Variants in CDH13 observed in about 807,000 individuals in gnomAD.
The protein encoded by CDH13 is cadherin 13.
A neutral mutation model predicts 63.8 loss-of-function variants in CDH13; 24 were observed. The observed-to-expected ratio is 0.38, with a 90% CI of 0.27 to 0.53. CDH13 has a LOEUF of 0.53. Among genes scored for constraint, CDH13 ranks in the 20% least tolerant of loss-of-function variants. The pLI is 0.85. For synonymous variants in CDH13, 503 were observed against 355.3 expected, an observed-to-expected ratio of 1.42 and a Z score of -4.67; for missense variants, 1,049 against 903.1, an observed-to-expected ratio of 1.16 and a Z score of -2.07.
chr16:82,695,848 G>T (rs1165547155), intron 1 of CDH13, among the ~76,000 whole-genome samples: 1 of 152,170 alleles, frequency 6.6e-6, no homozygotes, highest in Non-Finnish European at 1.5e-5. Context: ...AACAGATTAT[G>T]TACAAGATAT....
At chr16:82,923,729 C>CT (rs1318083742) in intron 2 of CDH13, among the ~76,000 whole-genome samples, 2 of 152,208 alleles carry the variant, frequency 1.3e-5, no homozygotes, top group Non-Finnish European at 2.9e-5. Flanking sequence ...TGAAGCGGCT[C>CT]TTAAATATGT....
intron 1 of CDH13, chr16:82,639,408 C>G: frequency 6.5e-7 from 1 of 1,535,608 alleles, no homozygotes; most frequent in South Asian, 1.2e-5. Context: ...AAGAACATCC[C>G]AGTGAGAATG....
chr16:83,159,218 G>A (rs549280754), intron 4 of CDH13, among the ~76,000 whole-genome samples: 1 of 152,186 alleles, frequency 6.6e-6, no homozygotes, highest in East Asian at 1.9e-4. Flanking sequence ...CCATTCATCA[G>A]TCTGCTGATT....
chr16:83,512,550 C>G (rs1297427239), intron 7 of CDH13, among the ~76,000 whole-genome samples: 2 of 150,738 alleles, frequency 1.3e-5, no homozygotes, highest in Admixed American at 1.3e-4. Flanking sequence ...CGCCTGTAGT[C>G]CCAGCTGCTC....
At chr16:83,497,503 G>C (rs1434550579) in intron 7 of CDH13, among the ~76,000 whole-genome samples, 5 of 116,692 alleles carry the variant, frequency 4.3e-5, no homozygotes, top group Non-Finnish European at 8.2e-5. Flanking sequence ...ACACTCTGGG[G>C]ACTGTTGTGG....
chr16:83,599,665 A>T (rs1907594677), intron 7 of CDH13, among the ~76,000 whole-genome samples: 1 of 152,360 alleles, frequency 6.6e-6, no homozygotes, highest in Non-Finnish European at 1.5e-5. Flanking sequence ...TATACATATG[A>T]TTATATTGTA....
chr16:83,512,003 G>A (rs1714120587), intron 7 of CDH13, among the ~76,000 whole-genome samples: 1 of 152,066 alleles, frequency 6.6e-6, no homozygotes, highest in Admixed American at 6.6e-5. Flanking sequence ...TTAGCTAATA[G>A]CATTAGAAAC....
At chr16:83,759,357 A>G (rs1036934067) in intron 11 of CDH13, among the ~76,000 whole-genome samples, 1 of 152,214 alleles carries the variant, frequency 6.6e-6, no homozygotes, top group East Asian at 1.9e-4. Context: ...TTTAAAATGC[A>G]TCCTGACCCC....
At chr16:82,667,518 G>A (rs1261119511) in intron 1 of CDH13, among the ~76,000 whole-genome samples, 1 of 152,168 alleles carries the variant, frequency 6.6e-6, no homozygotes, top group Non-Finnish European at 1.5e-5. Context: ...CCGTAGGATT[G>A]TGCATGTATG....
Position 82,671,846 on chromosome 16 carries a change from A to G in CDH13, c.45+44709A>G, listed in dbSNP as rs1380431774. ...AAAGAAGAGAAACACCATGGGGCAG[A>G]TATGTCCAAGAATAAAGAAAAGAGA... On this transcript the variant is annotated intron_variant, in intron 1 of 13. Coordinates refer to ENST00000567109, the MANE Select transcript of CDH13 (RefSeq NM_001257.5). Among the ~76,000 whole-genome samples, 4 of 152,196 alleles carry G rather than the reference A, an allele frequency of 2.6e-5. No homozygotes were observed. The East Asian group carries it at 5.8e-4, about 22-fold the overall frequency.
At chr16:83,779,340 G>A (rs1915342446) in intron 11 of CDH13, among the ~76,000 whole-genome samples, 1 of 143,522 alleles carries the variant, frequency 7.0e-6, no homozygotes, top group Non-Finnish European at 1.5e-5. Context: ...CCGGGAGGCG[G>A]AGGTTGCAGT....
intron 3 of CDH13, among the ~76,000 whole-genome samples, chr16:83,107,874 C>A (rs2034853545): frequency 6.6e-6 from 1 of 151,856 alleles, no homozygotes; most frequent in Non-Finnish European, 1.5e-5. Flanking sequence ...GGCTGGAGTG[C>A]ATTGGTGTGA....
chr16:83,220,465 C>G (rs1198259423), intron 5 of CDH13, among the ~76,000 whole-genome samples: 1 of 152,104 alleles, frequency 6.6e-6, no homozygotes, highest in Non-Finnish European at 1.5e-5. Flanking sequence ...TCCTGGGTCT[C>G]CAAATCCTCA....
At chr16:83,341,796 AAATTAGTTCC>A (rs1041645063) in intron 5 of CDH13, among the ~76,000 whole-genome samples, 1 of 152,068 alleles carries the variant, frequency 6.6e-6, no homozygotes, top group African/African-American at 2.4e-5. Flanking sequence ...CCCCACTCCT[AAATTAGTTCC>A]AATTAGTTCC....
At chr16:82,809,343 T>C (rs932197034) in intron 1 of CDH13, among the ~76,000 whole-genome samples, 1 of 149,800 alleles carries the variant, frequency 6.7e-6, no homozygotes, top group African/African-American at 2.5e-5. Flanking sequence ...AAATGAAAAA[T>C]GAGTAGTTTA....
chr16:82,883,486 T>A (rs1025996955), intron 2 of CDH13, among the ~76,000 whole-genome samples: 1 of 152,232 alleles, frequency 6.6e-6, no homozygotes, highest in Non-Finnish European at 1.5e-5. Context: ...GGAATCTGCA[T>A]GTTTTCCATC....
At chr16:83,216,427 T>TATATATATATATATA (rs1367971790) in intron 4 of CDH13, among the ~76,000 whole-genome samples, 7 of 45,056 alleles carry the variant, frequency 1.6e-4, no homozygotes, top group South Asian at 1.1e-3. Context: ...TATATATATA[T>TATATATATATATATA]ATATATATAT....
rs1352136230 is a variant in CDH13, at chr16:83,796,880, G to A, written c.*1850G>A. 6.6e-6 allele frequency: 1 copy of A among 152,206 alleles called. No individual in the cohort carries two copies. The allele number at this position is 152,206 out of a possible 1,614,324, so 9.4% of individuals were successfully genotyped here. On this transcript the variant is annotated 3_prime_UTR_variant, in exon 14 of 14. Transcript: ENST00000567109. ...CATTCTCAGTTGATGACCACATTAA[G>A]CATAGTCATGGCCATCTGTCAACAG...
At chr16:82,833,576 G>T (rs879835584) in intron 1 of CDH13, among the ~76,000 whole-genome samples, 1 of 152,192 alleles carries the variant, frequency 6.6e-6, no homozygotes, top group African/African-American at 2.4e-5. Context: ...CCATTCCAGG[G>T]CTTTCCATTG....
Sources: allele counts gnomAD v4.1 joint callset (sites outside exome capture counted in the v4.1 genomes callset), GRCh38; gene constraint gnomAD v4.1.1; transcripts MANE v1.5; gene names NCBI Gene and HGNC (gene_info 2026-07-23, HGNC 2026-07-21).